ANGPT4: variants seen among roughly 807,000 people sequenced by gnomAD.
The protein encoded by ANGPT4 is angiopoietin-4.
ANGPT4 carries 50 observed loss-of-function variants against 53.0 expected under a neutral mutation model. That is an observed-to-expected ratio of 0.94 (90% CI 0.75 to 1.20). The LOEUF (loss-of-function observed/expected upper bound fraction) is 1.20. ANGPT4 is among the 50% of genes most tolerant of loss of function. ANGPT4 has a pLI of 0.00. For missense variants in ANGPT4, 648 were observed against 637.1 expected (o/e 1.02, Z -0.18); for synonymous variants, 251 against 259.7 (o/e 0.97, Z 0.32).
At chr20:906,195 T>G (rs1459659568) in intron 1 of ANGPT4, among the ~76,000 whole-genome samples, 2 of 152,286 alleles carry the variant, frequency 1.3e-5, no homozygotes, top group African/African-American at 4.8e-5. Flanking sequence ...TGTCTTGCCC[T>G]CTCTTGGACC....
At chr20:893,396 C>G (rs1029375574) in intron 1 of ANGPT4, among the ~76,000 whole-genome samples, 1 of 152,192 alleles carries the variant, frequency 6.6e-6, no homozygotes, top group African/African-American at 2.4e-5. Context: ...TTTTATTTTT[C>G]ATATTTTGCT....
At chr20:903,962 A>G (rs1396363224) in intron 1 of ANGPT4, among the ~76,000 whole-genome samples, 1 of 152,214 alleles carries the variant, frequency 6.6e-6, no homozygotes, top group East Asian at 1.9e-4. Context: ...TGAGGTCCCA[A>G]TCAGGAAAAT....
At chr20:912,239 T>A (rs552262827) in intron 1 of ANGPT4, among the ~76,000 whole-genome samples, 2 of 152,182 alleles carry the variant, frequency 1.3e-5, no homozygotes, top group Admixed American at 6.5e-5. Flanking sequence ...GAGCCCTTAT[T>A]GAGCACCTGC....
At position 908,274 on chromosome 20, in the gene ANGPT4, C is replaced by G. The variant is rs955360421; in HGVS notation, c.309+7632G>C. 7.9e-5 allele frequency among the ~76,000 whole-genome samples: 12 copies of G among 152,112 alleles called. No individual in the cohort carries two copies. Among genetic ancestry groups the G allele is most frequent in the Non-Finnish European group, 1.5e-4 (10 of 68,018 alleles). ...ATCTGTCTGGCTCCTGGTGAGCACTCCAGTCTCATCTTGGCCATGCTCTCC... is the reference window on the plus strand; with the variant it reads ...ATCTGTCTGGCTCCTGGTGAGCACTGCAGTCTCATCTTGGCCATGCTCTCC... On this transcript the variant is annotated intron_variant, in intron 1 of 8. Transcript: ENST00000381922. The surrounding 1 kb of genome is among the most constrained non-coding windows in gnomAD (Gnocchi z 4.9).
intron 1 of ANGPT4, among the ~76,000 whole-genome samples, chr20:910,871 G>C (rs535838143): frequency 1.3e-5 from 2 of 152,090 alleles, no homozygotes; most frequent in South Asian, 2.1e-4. Flanking sequence ...CCAGGCCGAG[G>C]GTATCTGTGC....
chr20:909,551 G>C (rs1013105121), intron 1 of ANGPT4, among the ~76,000 whole-genome samples: 1 of 152,308 alleles, frequency 6.6e-6, no homozygotes, highest in South Asian at 2.1e-4. Context: ...GTGAATCCTG[G>C]AGTCTTGACG....
At chr20:901,776 G>A (rs1982297125) in intron 1 of ANGPT4, among the ~76,000 whole-genome samples, 1 of 152,198 alleles carries the variant, frequency 6.6e-6, no homozygotes, top group African/African-American at 2.4e-5. Flanking sequence ...TTAGCTGAAG[G>A]TGGTGGTGCA....
At position 904,610 on chromosome 20, in the gene ANGPT4, G is replaced by A. The variant is rs138246713; in HGVS notation, c.309+11296C>T. The stretch of plus-strand genomic sequence containing the variant: ...TGAAGTAGAATTGCTTCAAAGTAGA[G>A]TGAAATCACACGTTTTTTTGGTCCT... On this transcript the variant is annotated intron_variant, in intron 1 of 8. Transcript: ENST00000381922. Among the ~76,000 whole-genome samples the A allele has an allele frequency of 3.5e-4, 54 of 152,334 alleles. No homozygotes were observed. The East Asian group carries it at 0.01, about 28-fold the overall frequency.
chr20:876,951 G>A (rs1402956932), intron 7 of ANGPT4, among the ~76,000 whole-genome samples: 1 of 152,200 alleles, frequency 6.6e-6, no homozygotes, highest in African/African-American at 2.4e-5. Flanking sequence ...GGAGGCTGAG[G>A]TGGGAAGGTC....
In ANGPT4 at chr20:874,471, T is replaced by C. The variant is rs1981082732; in HGVS notation, c.1221-57A>G. 9.4e-6 allele frequency: 15 copies of C among 1,599,144 alleles called. No individual in the cohort carries two copies. In the Admixed American group the frequency reaches 2.4e-4, roughly 25 times the overall value. Reference sequence around the variant, plus strand: ...AGGGCCCAGAGTCAGGTTGGGGCTGTGTCGAGCAAGAACTTCCCCAGTGGC... The same window carrying C: ...AGGGCCCAGAGTCAGGTTGGGGCTGCGTCGAGCAAGAACTTCCCCAGTGGC... On this transcript the variant is annotated intron_variant, in intron 7 of 8. Coordinates refer to ENST00000381922, the MANE Select transcript of ANGPT4 (RefSeq NM_015985.4).
At chr20:882,259 A>G (rs76422534) in intron 4 of ANGPT4, among the ~76,000 whole-genome samples, 1,607 of 152,286 alleles carry the variant, frequency 0.011, 36 homozygotes, top group African/African-American at 0.037. Flanking sequence ...AACAAAGTGC[A>G]GAGATTTAAA....
chr20:877,874 A>T (rs2122763414), intron 7 of ANGPT4, among the ~76,000 whole-genome samples: 1 of 152,328 alleles, frequency 6.6e-6, no homozygotes, highest in South Asian at 2.1e-4. Context: ...GGGTCTCTGT[A>T]AAAAGGCTGA....
intron 1 of ANGPT4, among the ~76,000 whole-genome samples, chr20:891,677 T>C (rs1981853040): frequency 6.6e-6 from 1 of 152,222 alleles, no homozygotes; most frequent in Non-Finnish European, 1.5e-5. Context: ...GTGGTGACCT[T>C]GGCTCGGGCC....
At chr20:901,509 G>A (rs915735575) in intron 1 of ANGPT4, among the ~76,000 whole-genome samples, 38 of 152,024 alleles carry the variant, frequency 2.5e-4, no homozygotes, top group African/African-American at 8.2e-4. Context: ...CTCCTTTTTC[G>A]GACTCAGTCC....
intron 7 of ANGPT4, among the ~76,000 whole-genome samples, chr20:875,880 C>T (rs1419182894): frequency 6.6e-6 from 1 of 151,986 alleles, no homozygotes; most frequent in Non-Finnish European, 1.5e-5. Context: ...CTGTAATCCC[C>T]GCACTTTGGG....
chr20:873,223 G>A (rs1192124328), intron 8 of ANGPT4, 103 bp from the exon 9 acceptor site: 2 of 995,434 alleles, frequency 2.0e-6, no homozygotes, highest in Non-Finnish European at 2.7e-6. Flanking sequence ...AATCGGGGCT[G>A]TTGCCTCCTC....
chr20:877,182 T>G (rs949238844), intron 7 of ANGPT4, among the ~76,000 whole-genome samples: 1 of 152,240 alleles, frequency 6.6e-6, no homozygotes. Context: ...CAGAGAGTCA[T>G]TCAGAGATTC....
chr20:898,529 C>T (rs1273073667), intron 1 of ANGPT4, among the ~76,000 whole-genome samples: 1 of 152,208 alleles, frequency 6.6e-6, no homozygotes, highest in Non-Finnish European at 1.5e-5. Flanking sequence ...GCCAGAAGGC[C>T]ACCTTATCCT....
chr20:885,442 A>G, intron 3 of ANGPT4, 117 bp from the exon 4 acceptor site: 5 of 1,389,990 alleles, frequency 3.6e-6, no homozygotes, highest in Non-Finnish European at 4.7e-6. Flanking sequence ...AGTGTGGTGG[A>G]ACGTCCTGTG....
Sources: allele counts gnomAD v4.1 joint callset (sites outside exome capture counted in the v4.1 genomes callset), GRCh38; gene constraint gnomAD v4.1.1; non-coding constraint Gnocchi (gnomAD v3.1); transcripts MANE v1.5; gene names NCBI Gene and HGNC (gene_info 2026-07-23, HGNC 2026-07-21).